Variants in COL22A1 observed in about 807,000 individuals in gnomAD.
The protein encoded by COL22A1 is collagen type XXII alpha 1 chain.
In COL22A1, 221 loss-of-function variants were observed where a neutral mutation model predicts 248.9. The observed-to-expected ratio is 0.89, with a 90% CI of 0.80 to 0.99. The LOEUF is 0.99. COL22A1 is among the 50% of genes least tolerant of loss of function. The probability of loss-of-function intolerance (pLI) is 0.00; values close to 1 mark genes in which losing one functional copy is unlikely to be tolerated. For missense variants in COL22A1, 2,240 were observed against 2,179.0 expected (o/e 1.03, Z -0.56); for synonymous variants, 891 against 793.4 (o/e 1.12, Z -2.07).
At chr8:138,892,494 G>T (rs939099298) in intron 1 of COL22A1, among the ~76,000 whole-genome samples, 3 of 152,158 alleles carry the variant, frequency 2.0e-5, no homozygotes, top group Admixed American at 6.5e-5. Context: ...CCCATCTCAG[G>T]TTGCAGCCCC....
In COL22A1 at chr8:138,800,050, G is replaced by A. The variant is rs189341592; in HGVS notation, c.1557+2822C>T. On this transcript the variant is annotated intron_variant, in intron 11 of 64. Coordinates refer to ENST00000303045, the MANE Select transcript of COL22A1 (RefSeq NM_152888.3). The stretch of plus-strand genomic sequence containing the variant: ...TTTGGGGAGAGCTTCAGAGTTCTTC[G>A]TTCCTAAGGATTGTACCCTGGGCTA... Among the ~76,000 whole-genome samples, 16 of 152,268 alleles carry A rather than the reference G, an allele frequency of 1.1e-4. No individual in the cohort carries two copies. The South Asian group carries it at 2.5e-3, about 24-fold the overall frequency.
At chr8:138,845,718 G>A (rs186384576) in intron 3 of COL22A1, among the ~76,000 whole-genome samples, 7 of 152,172 alleles carry the variant, frequency 4.6e-5, no homozygotes, top group African/African-American at 1.7e-4. Flanking sequence ...TGTGGCATGG[G>A]AGATATTAAT....
chr8:138,863,280 C>T (rs1038835965), intron 3 of COL22A1, among the ~76,000 whole-genome samples: 1 of 152,298 alleles, frequency 6.6e-6, no homozygotes. Flanking sequence ...CATCTAGGGA[C>T]AGCATAGCAC....
chr8:138,815,913 C>T (rs1013131704), intron 7 of COL22A1, among the ~76,000 whole-genome samples: 12 of 152,142 alleles, frequency 7.9e-5, no homozygotes, highest in Admixed American at 6.5e-4. Flanking sequence ...ACTCGGGAGT[C>T]CCTCTGCACA....
At chr8:138,606,477 A>G in intron 57 of COL22A1, 25 bp from the exon 58 acceptor site, 1 of 1,610,132 alleles carries the variant, frequency 6.2e-7, no homozygotes, top group Non-Finnish European at 8.5e-7. Flanking sequence ...CTGAGAATTA[A>G]TTCCTCAAGG....
In COL22A1 at chr8:138,608,025, G is replaced by T. The variant is rs775581553; in HGVS notation, c.3979-36C>A. 6 of 1,594,962 alleles carry T rather than the reference G, an allele frequency of 3.8e-6. No individual in the cohort carries two copies. In the South Asian group the frequency reaches 6.6e-5, roughly 18 times the overall value. ...AAACAGAGGTAATCATCCTGCCAGGGCATCAAAGAGCAGGACGGTGGAACA... is the reference window on the plus strand; with the variant it reads ...AAACAGAGGTAATCATCCTGCCAGGTCATCAAAGAGCAGGACGGTGGAACA... On this transcript the variant is annotated intron_variant, in intron 56 of 64. Transcript: ENST00000303045.
intron 1 of COL22A1, among the ~76,000 whole-genome samples, chr8:138,898,253 C>T (rs527377269): frequency 6.6e-6 from 1 of 152,210 alleles, no homozygotes; most frequent in South Asian, 2.1e-4. Context: ...AAAACAGATC[C>T]CCAGAAAGAC....
chr8:138,717,202 C>T (rs570904707), intron 27 of COL22A1, among the ~76,000 whole-genome samples: 1 of 152,130 alleles, frequency 6.6e-6, no homozygotes, highest in South Asian at 2.1e-4. Flanking sequence ...GGCTGGAGTG[C>T]AGTGGCACCA....
chr8:138,823,451 A>G (rs182694790), intron 6 of COL22A1, among the ~76,000 whole-genome samples: 10 of 152,198 alleles, frequency 6.6e-5, no homozygotes, highest in Admixed American at 5.2e-4. Context: ...CTGTCATCCC[A>G]GCTGGAGTGC....
chr8:138,733,811 T>G (rs1830889205), intron 23 of COL22A1, among the ~76,000 whole-genome samples: 1 of 152,196 alleles, frequency 6.6e-6, no homozygotes, highest in Non-Finnish European at 1.5e-5. Flanking sequence ...CTTCCAGGAT[T>G]AGCTACCTAG....
chr8:138,717,983 G>A (rs548968659), intron 27 of COL22A1, among the ~76,000 whole-genome samples: 2 of 151,214 alleles, frequency 1.3e-5, no homozygotes, highest in Non-Finnish European at 3.0e-5. Flanking sequence ...ATAAGGAAAT[G>A]TGGTTTTCTC....
At chr8:138,774,836 G>A (rs1176020712) in intron 16 of COL22A1, among the ~76,000 whole-genome samples, 1 of 152,172 alleles carries the variant, frequency 6.6e-6, no homozygotes, top group African/African-American at 2.4e-5. Context: ...TTTAAAACAA[G>A]CTCTAAAAAC....
At chr8:138,746,738 C>T (rs111332603) in intron 22 of COL22A1, among the ~76,000 whole-genome samples, 82 of 152,330 alleles carry the variant, frequency 5.4e-4, no homozygotes, top group African/African-American at 1.5e-3. Context: ...CTTTACTAGA[C>T]GCTGGGCCTT....
intron 23 of COL22A1, among the ~76,000 whole-genome samples, chr8:138,735,814 A>G (rs965835811): frequency 4.6e-5 from 7 of 152,186 alleles, no homozygotes; most frequent in African/African-American, 1.4e-4. Context: ...GAGTGCTTTC[A>G]TGTCAGCCAG....
chr8:138,841,318 G>A (rs1468341544), intron 4 of COL22A1, among the ~76,000 whole-genome samples: 1 of 152,176 alleles, frequency 6.6e-6, no homozygotes, highest in Non-Finnish European at 1.5e-5. Context: ...ATGCTTGCTG[G>A]GGAGGTAGAC....
chr8:138,909,089 T>C (rs1434126128), intron 1 of COL22A1, among the ~76,000 whole-genome samples: 1 of 152,220 alleles, frequency 6.6e-6, no homozygotes, highest in African/African-American at 2.4e-5. Flanking sequence ...TCATAATTAT[T>C]TGGCAAAACT....
intron 12 of COL22A1, among the ~76,000 whole-genome samples, chr8:138,788,572 G>A (rs1815748030): frequency 6.6e-6 from 1 of 152,088 alleles, no homozygotes; most frequent in Non-Finnish European, 1.5e-5. Flanking sequence ...CTTTATGTTG[G>A]CCTCCTGGAA....
chr8:138,844,568 GGAAA>G (rs1477380374), intron 3 of COL22A1, among the ~76,000 whole-genome samples: 1 of 152,194 alleles, frequency 6.6e-6, no homozygotes, highest in Non-Finnish European at 1.5e-5. Flanking sequence ...AAGCTTTCCT[GGAAA>G]GATTCTTTTT....
Position 138,645,205 on chromosome 8 carries a change from C to T in COL22A1, c.3501+1424G>A, listed in dbSNP as rs115510643. On this transcript the variant is annotated intron_variant, in intron 47 of 64. Transcript: ENST00000303045. ...TTTAAGATGCTAATGAGACATGTGACGTACGAACAAACATGTACAGCTACT... is the reference window on the plus strand; with the variant it reads ...TTTAAGATGCTAATGAGACATGTGATGTACGAACAAACATGTACAGCTACT... Among the ~76,000 whole-genome samples the T allele has an allele frequency of 1.9e-3, 290 of 152,186 alleles. 2 individuals carry two copies. Among genetic ancestry groups the T allele is most frequent in the African/African-American group, 6.5e-3 (271 of 41,526 alleles).
Sources: gnomAD v4.1 joint callset for allele counts (sites outside exome capture counted in the v4.1 genomes callset) on GRCh38, gnomAD v4.1.1 for gene constraint, MANE v1.5 for transcripts, NCBI Gene and HGNC (gene_info 2026-07-23, HGNC 2026-07-21) for gene names.